Variants in ARHGAP20 observed in about 807,000 individuals in gnomAD.
The protein encoded by ARHGAP20 is rho GTPase-activating protein 20.
ARHGAP20 carries 34 observed loss-of-function variants against 73.7 expected under a neutral mutation model. That is an observed-to-expected ratio of 0.46 (90% CI 0.35 to 0.61). The LOEUF is 0.61. Ranked by LOEUF, ARHGAP20 falls within the 20% of genes least tolerant of loss-of-function variation. The pLI is 0.00. For missense variants in ARHGAP20, 1,314 were observed against 1,420.9 expected (o/e 0.92, Z 1.21); for synonymous variants, 523 against 518.2 (o/e 1.01, Z -0.13).
chr11:110,648,174 T>TATATATATATATATATGTAA (rs1949244079), intron 2 of ARHGAP20, among the ~76,000 whole-genome samples: 1 of 53,772 alleles, frequency 1.9e-5, no homozygotes, highest in Non-Finnish European at 4.3e-5. Flanking sequence ...TATATGTAAA[T>TATATATATATATATATGTAA]ATATATATAT....
At chr11:110,597,059 A>G (rs192399622) in intron 9 of ARHGAP20, among the ~76,000 whole-genome samples, 122 of 148,826 alleles carry the variant, frequency 8.2e-4, no homozygotes, top group Non-Finnish European at 1.5e-3. Flanking sequence ...CAAACACCGC[A>G]TGTTCTCACT....
At chr11:110,657,951 G>C (rs942797118) in intron 2 of ARHGAP20, among the ~76,000 whole-genome samples, 15 of 150,310 alleles carry the variant, frequency 1.0e-4, no homozygotes, top group Admixed American at 2.0e-4. Context: ...AGGAAGGAAG[G>C]AAGGAAGGAA....
chr11:110,655,154 T>C (rs1413748764), intron 2 of ARHGAP20, among the ~76,000 whole-genome samples: 1 of 152,172 alleles, frequency 6.6e-6, no homozygotes, highest in Non-Finnish European at 1.5e-5. Flanking sequence ...GGAGAAAGCC[T>C]TCTCCTGGAA....
chr11:110,626,732 G>A (rs1441514965), intron 3 of ARHGAP20, among the ~76,000 whole-genome samples: 2 of 151,060 alleles, frequency 1.3e-5, no homozygotes, highest in Admixed American at 6.6e-5. Flanking sequence ...TTCAATCTTT[G>A]GCTTTTTTTT....
At chr11:110,645,477 C>G (rs1451718784) in intron 2 of ARHGAP20, among the ~76,000 whole-genome samples, 1 of 152,126 alleles carries the variant, frequency 6.6e-6, no homozygotes, top group African/African-American at 2.4e-5. Context: ...GCAACAGATA[C>G]TGGTGAGGCT....
chr11:110,689,898 T>G (rs941264929), intron 2 of ARHGAP20, among the ~76,000 whole-genome samples: 1 of 152,034 alleles, frequency 6.6e-6, no homozygotes, highest in Non-Finnish European at 1.5e-5. Flanking sequence ...CTCTTTCAAG[T>G]TGTACTTTCC....
At chr11:110,687,597 T>C (rs1230729526) in intron 2 of ARHGAP20, among the ~76,000 whole-genome samples, 2 of 152,178 alleles carry the variant, frequency 1.3e-5, no homozygotes, top group African/African-American at 4.8e-5. Context: ...TCTGTATCAG[T>C]AGTTCTTGAT....
intron 1 of ARHGAP20, among the ~76,000 whole-genome samples, chr11:110,697,358 G>A (rs545249655): frequency 1.3e-4 from 19 of 151,514 alleles, no homozygotes; most frequent in Non-Finnish European, 2.7e-4. Context: ...TTTTTCATGT[G>A]CTTTTTGCCA....
At chr11:110,615,680 A>G in intron 4 of ARHGAP20, 86 bp from the exon 5 acceptor site, 1 of 1,241,336 alleles carries the variant, frequency 8.1e-7, no homozygotes. Flanking sequence ...CCAGATGAAA[A>G]TATCAACAAC....
At chr11:110,628,450 A>C (rs1033099311) in intron 3 of ARHGAP20, among the ~76,000 whole-genome samples, 1 of 152,156 alleles carries the variant, frequency 6.6e-6, no homozygotes, top group African/African-American at 2.4e-5. Context: ...ACTAACTGCT[A>C]TGAGAATGAT....
chr11:110,648,210 A>AATAT (rs1242747967), intron 2 of ARHGAP20, among the ~76,000 whole-genome samples: 110 of 113,284 alleles, frequency 9.7e-4, no homozygotes, highest in African/African-American at 1.5e-3. Context: ...TATATATGTA[A>AATAT]ATATATATAT....
At chr11:110,688,999 GTT>G (rs745669809) in intron 2 of ARHGAP20, among the ~76,000 whole-genome samples, 4 of 137,576 alleles carry the variant, frequency 2.9e-5, no homozygotes, top group Non-Finnish European at 1.6e-5. Context: ...CTTTCATATA[GTT>G]TTTTTTTTTT....
intron 4 of ARHGAP20, among the ~76,000 whole-genome samples, chr11:110,618,621 T>C (rs948531318): frequency 6.6e-6 from 1 of 152,116 alleles, no homozygotes; most frequent in Non-Finnish European, 1.5e-5. Context: ...TATGCAGTGA[T>C]AGAGTATATG....
chr11:110,611,560 C>G (rs932417140), intron 6 of ARHGAP20, among the ~76,000 whole-genome samples, 174 bp from the exon 7 acceptor site: 9 of 152,062 alleles, frequency 5.9e-5, no homozygotes, highest in African/African-American at 1.9e-4. Context: ...CTTTCATTCC[C>G]TTATAAATTA....
intron 7 of ARHGAP20, among the ~76,000 whole-genome samples, chr11:110,609,486 C>A (rs1294538595): frequency 2.6e-5 from 4 of 152,110 alleles, no homozygotes; most frequent in Non-Finnish European, 5.9e-5. Flanking sequence ...GACCAAGAAG[C>A]TTTGAGGAGA....
In ARHGAP20 at chr11:110,582,370, G is replaced by A. The variant is rs1265088324; in HGVS notation, c.1671C>T (p.Ser557=). Residue 557 remains serine, a synonymous_variant, in exon 14 of 15, where the codon TCC becomes TCT. Transcript: ENST00000683387. ...ATCTCACTGAAACCTCTCTGAAGAG[G>A]GAAGTGATTTCTTCTCCAAATATCC... ...CLRIFGEEIT[S]LFREVSVRCD... The A allele has an allele frequency of 1.2e-6, 2 of 1,613,824 alleles. No individual in the cohort carries two copies. The highest frequency in any genetic ancestry group is 8.5e-7 in the Non-Finnish European group (1 of 1,179,766).
rs992379226 is a variant in ARHGAP20, at chr11:110,591,920, A to G, written c.1143+57T>C. On this transcript the variant is annotated intron_variant, in intron 10 of 14. Transcript: ENST00000683387. ...ATTTGGGGACAGATTTACCTCGCAG[A>G]GCTCTCCTTTCCCAAACACCCTTTC... The G allele has an allele frequency of 4.5e-6, 7 of 1,559,254 alleles. No individual in the cohort carries two copies. The Admixed American group carries it at 5.1e-5, about 11-fold the overall frequency.
intron 4 of ARHGAP20, among the ~76,000 whole-genome samples, chr11:110,623,483 C>T (rs1432980081): frequency 6.6e-6 from 1 of 152,166 alleles, no homozygotes; most frequent in African/African-American, 2.4e-5. Flanking sequence ...AGCATAGGAG[C>T]ATGTCTTGGG....
chr11:110,703,129 A>T (rs1456789845), intron 1 of ARHGAP20, among the ~76,000 whole-genome samples: 1 of 152,100 alleles, frequency 6.6e-6, no homozygotes. Context: ...TTGGTCTGTG[A>T]TAAATATGAT....
Sources: allele counts gnomAD v4.1 joint callset (sites outside exome capture counted in the v4.1 genomes callset), GRCh38; gene constraint gnomAD v4.1.1; transcripts MANE v1.5; gene names NCBI Gene and HGNC (gene_info 2026-07-23, HGNC 2026-07-21).